SLC4A5: variants seen among roughly 807,000 people sequenced by gnomAD.
The protein encoded by SLC4A5 is solute carrier family 4 member 5.
In SLC4A5, 96 loss-of-function variants were observed where a neutral mutation model predicts 120.4. That is an observed-to-expected ratio of 0.80 (90% CI 0.68 to 0.94). The LOEUF is 0.94. SLC4A5 is among the 40% of genes least tolerant of loss of function. The pLI, the probability that SLC4A5 is intolerant of heterozygous loss-of-function variation, is 0.00. For synonymous variants in SLC4A5, 550 were observed against 571.1 expected (o/e 0.96, Z 0.53); for missense variants, 1,259 against 1,459.5 (o/e 0.86, Z 2.24).
rs143589170 is a variant in SLC4A5 at position 74,266,193 on chromosome 2, C to T, written c.402-929G>A. Among the ~76,000 whole-genome samples the T allele has an allele frequency of 1.4e-3, 210 of 152,240 alleles. 3 individuals carry two copies. Among genetic ancestry groups the T allele is most frequent in the African/African-American group, 4.9e-3 (205 of 41,554 alleles). On this transcript the variant is annotated intron_variant, in intron 8 of 30. Transcript: ENST00000394019. ...TGCGGAGAAGCTTCAGTAATTAAAGCGGTGTGATTCCAGGCCAGATATAGA... is the reference window on the plus strand; with the variant it reads ...TGCGGAGAAGCTTCAGTAATTAAAGTGGTGTGATTCCAGGCCAGATATAGA...
intron 7 of SLC4A5, among the ~76,000 whole-genome samples, chr2:74,288,734 T>C (rs1211753192): frequency 6.6e-6 from 1 of 152,222 alleles, no homozygotes; most frequent in Non-Finnish European, 1.5e-5. Flanking sequence ...CACCCATGTG[T>C]ATTGAACATT....
Position 74,265,092 on chromosome 2 carries a change from C to A in SLC4A5, c.562+12G>T, listed in dbSNP as rs777919130. 2.5e-6 allele frequency: 4 copies of A among 1,608,784 alleles called. No individual in the cohort carries two copies. The South Asian group carries it at 4.4e-5, about 18-fold the overall frequency. On this transcript the variant is annotated intron_variant, in intron 9 of 30. Transcript: ENST00000394019. ...ACCACAGGAGAGATGCACACAGTGGCCCCTGCCTCACCTATGATCTGTGGT... is the reference window on the plus strand; with the variant it reads ...ACCACAGGAGAGATGCACACAGTGGACCCTGCCTCACCTATGATCTGTGGT...
intron 19 of SLC4A5, among the ~76,000 whole-genome samples, chr2:74,244,589 C>G (rs778619348): frequency 6.6e-6 from 1 of 151,702 alleles, no homozygotes; most frequent in Admixed American, 6.6e-5. Context: ...TCCTCCTCCT[C>G]CTCCTTGCTC....
intron 15 of SLC4A5, 103 bp downstream of exon 15, chr2:74,252,871 A>C (rs1573028827): frequency 7.3e-7 from 1 of 1,377,862 alleles, no homozygotes; most frequent in African/African-American, 1.4e-5. Context: ...TACAGGCATG[A>C]GCCACTATGC....
chr2:74,254,716 A>T lies in SLC4A5; in HGVS notation c.1026-10T>A, dbSNP rs199498124. 6.3e-7 allele frequency: 1 copy of T among 1,588,432 alleles called. No individual in the cohort carries two copies. The highest frequency in any genetic ancestry group is 8.6e-7 in the Non-Finnish European group (1 of 1,156,912). The stretch of plus-strand genomic sequence containing the variant: ...TAGTATAAACAGAAATCTGCAAAGA[A>T]GATGGAGGAGGAGACAGAGAAGATT... On this transcript the variant is annotated splice_polypyrimidine_tract_variant and intron_variant, in intron 13 of 30. Coordinates refer to ENST00000394019, the Ensembl canonical transcript of SLC4A5.
chr2:74,274,955 G>A (rs1368989898), intron 8 of SLC4A5, among the ~76,000 whole-genome samples: 1 of 152,216 alleles, frequency 6.6e-6, no homozygotes, highest in East Asian at 1.9e-4. Context: ...CATGAGATAT[G>A]TCTAGGACTA....
chr2:74,293,672 C>A (rs1300303901), intron 7 of SLC4A5, among the ~76,000 whole-genome samples: 1 of 152,188 alleles, frequency 6.6e-6, no homozygotes, highest in East Asian at 1.9e-4. Flanking sequence ...CCCGGCTCTT[C>A]GTTTTGCTTT....
At chr2:74,327,704 A>G (rs1673249576) in intron 5 of SLC4A5, among the ~76,000 whole-genome samples, 1 of 152,200 alleles carries the variant, frequency 6.6e-6, no homozygotes, top group South Asian at 2.1e-4. Context: ...TCTGGGAAAG[A>G]GGTAAGTCTC....
chr2:74,265,069 C>T, intron 9 of SLC4A5, 35 bp downstream of exon 9: 4 of 1,595,616 alleles, frequency 2.5e-6, no homozygotes, highest in Non-Finnish European at 3.4e-6. Context: ...TTGCAGGGAC[C>T]ACAGGAGAGA....
intron 7 of SLC4A5, among the ~76,000 whole-genome samples, chr2:74,288,941 T>A (rs1483856684): frequency 6.6e-6 from 1 of 152,246 alleles, no homozygotes; most frequent in Non-Finnish European, 1.5e-5. Context: ...TTTTTCACAA[T>A]TCATGTCCAA....
chr2:74,316,418 A>G (rs1337801121), intron 5 of SLC4A5, among the ~76,000 whole-genome samples: 2 of 151,478 alleles, frequency 1.3e-5, no homozygotes, highest in African/African-American at 4.9e-5. Context: ...GGCCAAGGGG[A>G]TCCCAGAGAT....
At chr2:74,294,898 T>A (rs1455789008) in intron 7 of SLC4A5, among the ~76,000 whole-genome samples, 8 of 152,150 alleles carry the variant, frequency 5.3e-5, no homozygotes, top group African/African-American at 1.7e-4. Flanking sequence ...CTCAAACTCC[T>A]GGCCTCAAGT....
intron 5 of SLC4A5, among the ~76,000 whole-genome samples, chr2:74,323,869 A>G (rs959231688): frequency 1.3e-5 from 2 of 152,220 alleles, no homozygotes; most frequent in African/African-American, 4.8e-5. Flanking sequence ...TCTAACTTCA[A>G]TAAATAGCAG....
chr2:74,223,930 G>C (rs1002049687), intron 28 of SLC4A5, among the ~76,000 whole-genome samples: 3 of 152,220 alleles, frequency 2.0e-5, no homozygotes, highest in Admixed American at 6.5e-5. Context: ...AAAATCACGA[G>C]AACAGGACAG....
At chr2:74,335,736 C>G (rs1573115739) in intron 3 of SLC4A5, among the ~76,000 whole-genome samples, 1 of 152,122 alleles carries the variant, frequency 6.6e-6, no homozygotes, top group African/African-American at 2.4e-5. Context: ...TCAATAAAAA[C>G]AAAAACCCTA....
chr2:74,299,566 G>A (rs745916494), intron 7 of SLC4A5, among the ~76,000 whole-genome samples: 13 of 152,176 alleles, frequency 8.5e-5, no homozygotes, highest in African/African-American at 2.2e-4. Flanking sequence ...TGTTAGCAGC[G>A]TGAGAATGGA....
At chr2:74,269,352 C>T (rs538760609) in intron 8 of SLC4A5, among the ~76,000 whole-genome samples, 1 of 151,648 alleles carries the variant, frequency 6.6e-6, no homozygotes, top group Admixed American at 6.6e-5. Context: ...ATTACAGGTG[C>T]CTGCCACCAG....
At chr2:74,272,307 A>C (rs1282467993) in intron 8 of SLC4A5, among the ~76,000 whole-genome samples, 1 of 152,196 alleles carries the variant, frequency 6.6e-6, no homozygotes, top group African/African-American at 2.4e-5. Context: ...CTTTTGTATA[A>C]ATTTGAATTT....
rs947830976 is a variant in SLC4A5, at chr2:74,324,321, C to T, written c.-3+3799G>A. Among the ~76,000 whole-genome samples the T allele has an allele frequency of 2.0e-5, 3 of 152,228 alleles. No homozygotes were observed. In the East Asian group the frequency reaches 5.8e-4, roughly 29 times the overall value. ...TGTCGCCCAGGCTGGAGTTCAATGG[C>T]GCAATCACAGCTTACTGCAGCCTCC... On this transcript the variant is annotated intron_variant, in intron 5 of 30. Transcript: ENST00000394019.
Sources: gnomAD v4.1 joint callset for allele counts (sites outside exome capture counted in the v4.1 genomes callset) on GRCh38, gnomAD v4.1.1 for gene constraint, MANE v1.5 for transcripts, NCBI Gene and HGNC (gene_info 2026-07-23, HGNC 2026-07-21) for gene names.